The following RIPK1 variants were observed in gnomAD, a reference collection of about 807,000 sequenced individuals.
RIPK1 encodes the protein receptor interacting serine/threonine kinase 1.
RIPK1 carries 27 observed loss-of-function variants against 62.4 expected under a neutral mutation model. The observed-to-expected ratio is 0.43, with a 90% CI of 0.32 to 0.60. The LOEUF (loss-of-function observed/expected upper bound fraction) is 0.60. Ranked by LOEUF, RIPK1 falls within the 20% of genes least tolerant of loss-of-function variation. RIPK1 has a pLI of 0.07. For synonymous variants in RIPK1, 287 were observed against 303.2 expected (o/e 0.95, Z 0.55); for missense variants, 735 against 831.0 (o/e 0.88, Z 1.42).
At chr6:3,078,645 G>T (rs1028120973) in intron 3 of RIPK1, among the ~76,000 whole-genome samples, 3 of 152,218 alleles carry the variant, frequency 2.0e-5, no homozygotes, top group Admixed American at 6.5e-5. Context: ...AGAGCAGATA[G>T]AATATTAGTG....
intron 9 of RIPK1, 58 bp from the exon 10 acceptor site, chr6:3,110,745 A>AT (rs1484733910): frequency 7.0e-6 from 8 of 1,145,818 alleles, no homozygotes; most frequent in African/African-American, 3.2e-5. Context: ...GCCATGCTGT[A>AT]TTTTTTTCTC....
rs17513465 is a variant in RIPK1 at position 3,097,473 on chromosome 6, A to C, written c.916-6752A>C. On this transcript the variant is annotated intron_variant, in intron 7 of 10. Transcript: ENST00000259808. ...GAAACTTGATTTTCACAGAGATGGC[A>C]CTGTAGAGCAGTGGGGAAGTGACAG... 5.2e-3 allele frequency among the ~76,000 whole-genome samples: 799 copies of C among 152,344 alleles called. 7 individuals carry two copies. The highest frequency in any genetic ancestry group is 0.019 in the African/African-American group (782 of 41,572).
At chr6:3,084,668 A>T (rs992839847) in intron 5 of RIPK1, among the ~76,000 whole-genome samples, 1 of 146,110 alleles carries the variant, frequency 6.8e-6, no homozygotes, top group African/African-American at 2.6e-5. Flanking sequence ...GTCTCGGCTC[A>T]CTGCAGCCTC....
intron 1 of RIPK1, among the ~76,000 whole-genome samples, chr6:3,076,338 C>T (rs1051192471): frequency 2.0e-5 from 3 of 151,998 alleles, no homozygotes; most frequent in African/African-American, 7.3e-5. Flanking sequence ...CAAGGCACAC[C>T]AAGCATGTGG....
intron 7 of RIPK1, among the ~76,000 whole-genome samples, chr6:3,102,805 A>C (rs1317245791): frequency 6.6e-6 from 1 of 152,028 alleles, no homozygotes; most frequent in African/African-American, 2.4e-5. Flanking sequence ...TGGTTTCACC[A>C]TGTTGTCCAG....
In RIPK1 at chr6:3,072,931, C is replaced by G. The variant is rs1211509484; in HGVS notation, c.-60-3833C>G. The stretch of plus-strand genomic sequence containing the variant: ...TGTCTCCACCCGCTCCTACCTCATT[C>G]TCACTAGGATTGGTCAGTAGGGCCC... On this transcript the variant is annotated intron_variant, in intron 1 of 10. Transcript: ENST00000259808. The surrounding 1 kb of genome is among the most constrained non-coding windows in gnomAD (Gnocchi z 5.6). 1.3e-5 allele frequency among the ~76,000 whole-genome samples: 2 copies of G among 152,134 alleles called. No homozygotes were observed. The highest frequency in any genetic ancestry group is 1.3e-4 in the Admixed American group (2 of 15,272).
chr6:3,094,185 G>A (rs1274473509), intron 7 of RIPK1, among the ~76,000 whole-genome samples: 5 of 138,672 alleles, frequency 3.6e-5, no homozygotes, highest in Non-Finnish European at 7.4e-5. Context: ...CCTACCTGCT[G>A]CACCTAGTAA....
Position 3,085,245 on chromosome 6 carries a change from TCTTTG to T in RIPK1, c.689-8_689-4del. 1.2e-6 allele frequency: 2 copies of T among 1,613,964 alleles called. No homozygotes were observed. Among genetic ancestry groups the T allele is most frequent in the Non-Finnish European group, 1.7e-6 (2 of 1,179,970 alleles). On this transcript the variant is annotated splice_polypyrimidine_tract_variant and intron_variant, in intron 5 of 10. Transcript: ENST00000259808. ...GAGAGGAGCAAGACCTGAAAGAAAG[TCTTTG>T]CTTTGTAGATGCTATCTGTGAGCAG...
At position 3,083,071 on chromosome 6, in the gene RIPK1, AAT is replaced by A; in HGVS notation, c.460-13_460-12del. On this transcript the variant is annotated splice_polypyrimidine_tract_variant and intron_variant, in intron 4 of 10. Coordinates refer to ENST00000259808, the MANE Select transcript of RIPK1 (RefSeq NM_001354930.2). Reference sequence around the variant, plus strand: ...CTTCACCAAACAATCCCAGTGGCTCAATGTCTTTCGCAGATCGCAGACCTCGG... The same window carrying A: ...CTTCACCAAACAATCCCAGTGGCTCAGTCTTTCGCAGATCGCAGACCTCGG... 2 of 1,612,982 alleles carry A rather than the reference AAT, an allele frequency of 1.2e-6. No homozygotes were observed. The highest frequency in any genetic ancestry group is 1.7e-6 in the Non-Finnish European group (2 of 1,178,960).
At chr6:3,094,610 C>G (rs540374227) in intron 7 of RIPK1, among the ~76,000 whole-genome samples, 1 of 147,640 alleles carries the variant, frequency 6.8e-6, no homozygotes, top group African/African-American at 2.5e-5. Context: ...TGAAGAAAGG[C>G]TGAAAATTAA....
intron 7 of RIPK1, among the ~76,000 whole-genome samples, chr6:3,090,092 G>C (rs771159954): frequency 6.6e-6 from 1 of 152,212 alleles, no homozygotes; most frequent in Non-Finnish European, 1.5e-5. Context: ...ACAGTCACCT[G>C]GGATGTTGAC....
chr6:3,065,614 G>A (rs1758348023), upstream of RIPK1, among the ~76,000 whole-genome samples: 1 of 152,032 alleles, frequency 6.6e-6, no homozygotes, highest in Non-Finnish European at 1.5e-5. Context: ...TCATTTCCAA[G>A]TGCACTGGGA....
At chr6:3,090,600 C>CA (rs1760001133) in intron 7 of RIPK1, among the ~76,000 whole-genome samples, 1 of 152,068 alleles carries the variant, frequency 6.6e-6, no homozygotes, top group African/African-American at 2.4e-5. Context: ...CAAAGAAAAA[C>CA]AGACAAATCC....
chr6:3,080,307 G>A (rs998815392), intron 3 of RIPK1, among the ~76,000 whole-genome samples: 5 of 152,194 alleles, frequency 3.3e-5, no homozygotes, highest in Admixed American at 2.6e-4. Flanking sequence ...ATAGAAACTG[G>A]AATTGTTTCT....
At chr6:3,090,168 T>C (rs1405119671) in intron 7 of RIPK1, among the ~76,000 whole-genome samples, 1 of 152,136 alleles carries the variant, frequency 6.6e-6, no homozygotes, top group Non-Finnish European at 1.5e-5. Context: ...CTCCTTCCCC[T>C]GTACTTAGCA....
intron 3 of RIPK1, among the ~76,000 whole-genome samples, chr6:3,079,140 T>G (rs182115261): frequency 2.0e-4 from 30 of 152,014 alleles, no homozygotes; most frequent in African/African-American, 7.0e-4. Flanking sequence ...AGTGCAATGG[T>G]GCAATCTCGG....
In RIPK1 at chr6:3,072,590, A is replaced by G. The variant is rs938825034; in HGVS notation, c.-61+3929A>G. 6.6e-6 allele frequency among the ~76,000 whole-genome samples: 1 copy of G among 152,172 alleles called. No homozygotes were observed. The highest frequency in any genetic ancestry group is 2.4e-5 in the African/African-American group (1 of 41,456). On this transcript the variant is annotated intron_variant, in intron 1 of 10. Coordinates refer to ENST00000259808, the MANE Select transcript of RIPK1 (RefSeq NM_001354930.2). The surrounding 1 kb of genome is among the most constrained non-coding windows in gnomAD (Gnocchi z 5.6). ...TATTCAATTGATGATGGGCCGGCAT[A>G]CGTTGGGTTCTGCTAGGCTCTGGAG...
At chr6:3,070,566 A>C (rs182034363) in intron 1 of RIPK1, among the ~76,000 whole-genome samples, 1 of 152,158 alleles carries the variant, frequency 6.6e-6, no homozygotes, top group East Asian at 1.9e-4. Context: ...GCCTCCCAAG[A>C]AGCTGGGATT....
At chr6:3,070,715 GCCC>G in intron 1 of RIPK1, among the ~76,000 whole-genome samples, 1 of 142,166 alleles carries the variant, frequency 7.0e-6, no homozygotes, top group African/African-American at 3.1e-5. Flanking sequence ...ACAGGCATGA[GCCC>G]CTGCACCTCA....
Sources: gnomAD v4.1 joint callset for allele counts (sites outside exome capture counted in the v4.1 genomes callset) on GRCh38, gnomAD v4.1.1 for gene constraint, Gnocchi (gnomAD v3.1) non-coding constraint, MANE v1.5 for transcripts, NCBI Gene and HGNC (gene_info 2026-07-23, HGNC 2026-07-21) for gene names.